The following DOCK1 variants were observed in gnomAD, a reference collection of about 807,000 sequenced individuals.
The protein encoded by DOCK1 is dedicator of cytokinesis 1, also known as dedicator of cytokinesis protein 1.
A neutral mutation model predicts 262.7 loss-of-function variants in DOCK1; 138 were observed. The ratio of observed to expected loss-of-function variants is 0.53; its 90% confidence interval spans 0.46 to 0.61. DOCK1 has a LOEUF of 0.61. Among genes scored for constraint, DOCK1 ranks in the 20% least tolerant of loss-of-function variants. The pLI is 0.00. For missense variants in DOCK1, 1,908 were observed against 2,370.7 expected, an observed-to-expected ratio of 0.80 and a Z score of 4.05; for synonymous variants, 866 against 867.4, an observed-to-expected ratio of 1.00 and a Z score of 0.03.
intron 38 of DOCK1, among the ~76,000 whole-genome samples, chr10:127,398,232 C>T (rs1247109601): frequency 1.3e-5 from 2 of 152,330 alleles, no homozygotes; most frequent in South Asian, 2.1e-4. Context: ...GCCGGTTGAG[C>T]ACTCCAGGAG....
In DOCK1 at chr10:127,030,201, C is replaced by T. The variant is rs1404870585; in HGVS notation, c.1625-1449C>T. 2.6e-5 allele frequency among the ~76,000 whole-genome samples: 4 copies of T among 152,162 alleles called. No homozygotes were observed. The East Asian group carries it at 7.7e-4, about 29-fold the overall frequency. On this transcript the variant is annotated intron_variant, in intron 16 of 51. Transcript: ENST00000623213. Reference sequence around the variant, plus strand: ...TCATTCTCCCTCTCTGATCTCTGTCCTTTCATCTATAAAGAGAAAGCTCGG... The same window carrying T: ...TCATTCTCCCTCTCTGATCTCTGTCTTTTCATCTATAAAGAGAAAGCTCGG...
chr10:126,908,718 G>A (rs2031312640), intron 1 of DOCK1, among the ~76,000 whole-genome samples: 1 of 152,188 alleles, frequency 6.6e-6, no homozygotes, highest in South Asian at 2.1e-4. Context: ...CCTTGGTTTT[G>A]AGTTGGTGGG....
chr10:127,047,971 G>T (rs927797331), intron 21 of DOCK1, among the ~76,000 whole-genome samples: 1 of 152,236 alleles, frequency 6.6e-6, no homozygotes, highest in Admixed American at 6.5e-5. Flanking sequence ...AGGCTGCGAT[G>T]AATATTCTTG....
At chr10:127,155,441 C>T (rs555655537) in intron 27 of DOCK1, among the ~76,000 whole-genome samples, 1 of 152,292 alleles carries the variant, frequency 6.6e-6, no homozygotes, top group South Asian at 2.1e-4. Flanking sequence ...ATTGGAATTA[C>T]AGTATGGCTG....
intron 27 of DOCK1, among the ~76,000 whole-genome samples, chr10:127,140,463 C>G (rs962042435): frequency 1.3e-5 from 2 of 152,188 alleles, no homozygotes; most frequent in Admixed American, 1.3e-4. Flanking sequence ...GCCCATCTCC[C>G]CATCTGTCAC....
At chr10:126,999,237 C>A in intron 8 of DOCK1, 117 bp from the exon 9 acceptor site, 1 of 714,748 alleles carries the variant, frequency 1.4e-6, no homozygotes, top group Non-Finnish European at 2.3e-6. Context: ...TATTTATAAA[C>A]TCAATAGTTG....
chr10:127,391,076 A>G (rs912527132), intron 38 of DOCK1, among the ~76,000 whole-genome samples: 2 of 152,224 alleles, frequency 1.3e-5, no homozygotes, highest in Non-Finnish European at 2.9e-5. Context: ...GCCTGTTGGT[A>G]TCTACTCCTT....
rs182225356 is a variant in DOCK1, at chr10:127,309,377, A to G, written c.3045-29629A>G. Among the ~76,000 whole-genome samples the G allele has an allele frequency of 1.3e-3, 196 of 152,120 alleles. 1 individual carries two copies. Among genetic ancestry groups the G allele is most frequent in the East Asian group, 1.2e-3 (6 of 5,170 alleles). On this transcript the variant is annotated intron_variant, in intron 29 of 51. Transcript: ENST00000623213. Reference sequence around the variant, plus strand: ...GGGTAGATTGCAAAAATTTTCTCCCATTCTGTAGGTTGCCTGTTCACTCTG... The same window carrying G: ...GGGTAGATTGCAAAAATTTTCTCCCGTTCTGTAGGTTGCCTGTTCACTCTG...
At chr10:127,177,375 G>T (rs1048614276) in intron 27 of DOCK1, among the ~76,000 whole-genome samples, 1 of 152,226 alleles carries the variant, frequency 6.6e-6, no homozygotes, top group Non-Finnish European at 1.5e-5. Flanking sequence ...GGGGTAAAAT[G>T]CCTTCACTTT....
At chr10:127,007,158 C>T (rs762094994) in intron 10 of DOCK1, among the ~76,000 whole-genome samples, 2 of 152,068 alleles carry the variant, frequency 1.3e-5, no homozygotes, top group Non-Finnish European at 2.9e-5. Flanking sequence ...CCTGTATCTG[C>T]AAACACAGCC....
At chr10:127,196,723 G>GGAA (rs2057192539) in intron 27 of DOCK1, among the ~76,000 whole-genome samples, 1 of 67,832 alleles carries the variant, frequency 1.5e-5, no homozygotes, top group South Asian at 5.5e-4. Flanking sequence ...AGGAGGAGGA[G>GGAA]GAAGAGGAGG....
intron 29 of DOCK1, among the ~76,000 whole-genome samples, chr10:127,269,855 A>G (rs956059485): frequency 6.6e-6 from 1 of 152,258 alleles, no homozygotes. Context: ...CCCACCACCC[A>G]TGCAGTCCTT....
At chr10:126,951,321 T>C (rs1001927555) in intron 1 of DOCK1, among the ~76,000 whole-genome samples, 478 of 151,850 alleles carry the variant, frequency 3.1e-3, no homozygotes, top group African/African-American at 0.011. Context: ...TTGTTGGTAG[T>C]ATTGTTGGTG....
intron 22 of DOCK1, 61 bp from the exon 23 acceptor site, chr10:127,061,607 G>A: frequency 7.1e-7 from 1 of 1,403,192 alleles, no homozygotes; most frequent in Non-Finnish European, 9.9e-7. Flanking sequence ...CTATAGACAT[G>A]GATTCAAAAA....
intron 1 of DOCK1, among the ~76,000 whole-genome samples, chr10:126,927,070 CG>C (rs891273803): frequency 6.6e-6 from 1 of 152,144 alleles, no homozygotes; most frequent in African/African-American, 2.4e-5. Flanking sequence ...AGACCATTGG[CG>C]CCCTGCATCT....
At chr10:126,996,971 C>A in intron 7 of DOCK1, 88 bp downstream of exon 7, 1 of 1,401,338 alleles carries the variant, frequency 7.1e-7, no homozygotes, top group Non-Finnish European at 9.4e-7. Flanking sequence ...CCAAAATTGT[C>A]ACTAAGAAAG....
At chr10:126,930,230 T>A (rs2034087804) in intron 1 of DOCK1, among the ~76,000 whole-genome samples, 1 of 152,372 alleles carries the variant, frequency 6.6e-6, no homozygotes, top group East Asian at 1.9e-4. Context: ...TCTTTCCACC[T>A]TTTGGCTCTT....
chr10:127,421,700 C>T (rs2068519835), intron 46 of DOCK1, among the ~76,000 whole-genome samples: 1 of 152,212 alleles, frequency 6.6e-6, no homozygotes, highest in Admixed American at 6.5e-5. Flanking sequence ...CTCTAGATAG[C>T]TTATATGAGT....
chr10:126,937,373 A>T (rs1031956028), intron 1 of DOCK1, among the ~76,000 whole-genome samples: 5 of 152,302 alleles, frequency 3.3e-5, no homozygotes, highest in African/African-American at 9.6e-5. Context: ...GGTAGGTCAT[A>T]TAGTAATTCT....
Sources: gnomAD v4.1 joint callset for allele counts (sites outside exome capture counted in the v4.1 genomes callset) on GRCh38, gnomAD v4.1.1 for gene constraint, MANE v1.5 for transcripts, NCBI Gene and HGNC (gene_info 2026-07-23, HGNC 2026-07-21) for gene names.